The following SEMA6D variants were observed in gnomAD, a reference collection of about 807,000 sequenced individuals.
SEMA6D encodes semaphorin-6D.
Under a neutral mutation model 106.6 loss-of-function variants are expected in SEMA6D, and 35 were observed. That is an observed-to-expected ratio of 0.33 (90% CI 0.25 to 0.44). The LOEUF (loss-of-function observed/expected upper bound fraction) is 0.44, where lower values mean the gene tolerates loss of function less well. Ranked by LOEUF, SEMA6D falls within the 20% of genes least tolerant of loss-of-function variation. SEMA6D has a pLI of 1.00. For synonymous variants in SEMA6D, 499 were observed against 487.7 expected (o/e 1.02, Z -0.31); for missense variants, 1,185 against 1,345.9 (o/e 0.88, Z 1.87).
chr15:47,456,686 A>C (rs1315640849), intron 2 of SEMA6D, among the ~76,000 whole-genome samples: 2 of 152,042 alleles, frequency 1.3e-5, no homozygotes, highest in African/African-American at 4.8e-5. Flanking sequence ...TAGGCAGTGC[A>C]AATAGTAATA....
At chr15:47,508,330 G>C (rs1298815969) in intron 3 of SEMA6D, among the ~76,000 whole-genome samples, 2 of 152,158 alleles carry the variant, frequency 1.3e-5, no homozygotes, top group Non-Finnish European at 2.9e-5. Flanking sequence ...TCTTCCAGGG[G>C]GTTTTGGATC....
rs566901359 is a variant in SEMA6D, at chr15:47,361,299, C to T, written c.-238-51094C>T. Among the ~76,000 whole-genome samples the T allele has an allele frequency of 2.6e-5, 4 of 152,250 alleles. No homozygotes were observed. In the South Asian group the frequency reaches 8.3e-4, roughly 32 times the overall value. On this transcript the variant is annotated intron_variant, in intron 1 of 19. Coordinates refer to the SEMA6D transcript ENST00000558014. ...TTCATTCAGTCAAAATGGACATATCCCCTTGATAAGGGATACTACCCATAA... is the reference window on the plus strand; with the variant it reads ...TTCATTCAGTCAAAATGGACATATCTCCTTGATAAGGGATACTACCCATAA...
chr15:47,363,701 G>A (rs892953627), intron 1 of SEMA6D, among the ~76,000 whole-genome samples: 2 of 152,172 alleles, frequency 1.3e-5, no homozygotes, highest in African/African-American at 4.8e-5. Context: ...TCAGGAAAGT[G>A]AAGGTCATGG....
intron 3 of SEMA6D, among the ~76,000 whole-genome samples, chr15:47,536,425 A>G (rs958142451): frequency 3.9e-5 from 6 of 152,210 alleles, no homozygotes; most frequent in African/African-American, 1.2e-4. Context: ...TGGGGACACA[A>G]TGAAGGCTTG....
At chr15:47,507,682 A>G (rs1018822849) in intron 3 of SEMA6D, among the ~76,000 whole-genome samples, 1 of 152,246 alleles carries the variant, frequency 6.6e-6, no homozygotes, top group African/African-American at 2.4e-5. Flanking sequence ...TATGTGCACC[A>G]TATGTCATAC....
chr15:47,648,012 C>G (rs767032302), intron 4 of SEMA6D, among the ~76,000 whole-genome samples: 12 of 152,144 alleles, frequency 7.9e-5, no homozygotes, highest in Non-Finnish European at 1.5e-4. Context: ...AAAATGTAAA[C>G]TTACTTGAGG....
chr15:47,336,559 G>A (rs1037640993), intron 1 of SEMA6D, among the ~76,000 whole-genome samples: 1 of 152,282 alleles, frequency 6.6e-6, no homozygotes, highest in Admixed American at 6.5e-5. Context: ...CTACCCCTAT[G>A]ATCGAAGGAC....
Position 47,624,360 on chromosome 15 carries a change from A to C in SEMA6D, c.-55+23464A>C, listed in dbSNP as rs560504502. On this transcript the variant is annotated intron_variant, in intron 4 of 19. Transcript: ENST00000558014. The stretch of plus-strand genomic sequence containing the variant: ...TATTAGCCTAGGGGAATAAGATAAA[A>C]AGAGTTATTAATGGTGTTGACCTGA... 5.9e-5 allele frequency among the ~76,000 whole-genome samples: 9 copies of C among 152,316 alleles called. No homozygotes were observed. In the East Asian group the frequency reaches 1.7e-3, roughly 29 times the overall value.
intron 1 of SEMA6D, among the ~76,000 whole-genome samples, chr15:47,744,704 A>G (rs1935154597): frequency 6.6e-6 from 1 of 152,222 alleles, no homozygotes; most frequent in African/African-American, 2.4e-5. Context: ...TTTGTGGTTC[A>G]GCGTCACAGA....
intron 2 of SEMA6D, among the ~76,000 whole-genome samples, chr15:47,456,030 G>T (rs1191312221): frequency 6.6e-6 from 1 of 151,934 alleles, no homozygotes. Context: ...TGTGATTATT[G>T]TGGGCTTATT....
At chr15:47,334,663 A>G (rs1289308999) in intron 1 of SEMA6D, among the ~76,000 whole-genome samples, 4 of 152,206 alleles carry the variant, frequency 2.6e-5, no homozygotes, top group Admixed American at 2.0e-4. Flanking sequence ...GGGATTTGCT[A>G]GAAGGGCCCT....
chr15:47,499,449 G>A (rs1456627239), intron 3 of SEMA6D, among the ~76,000 whole-genome samples: 10 of 152,010 alleles, frequency 6.6e-5, no homozygotes. Flanking sequence ...ATTAATTATG[G>A]ATCTATTAAT....
chr15:47,755,346 T>C (rs1011906653), intron 1 of SEMA6D, among the ~76,000 whole-genome samples: 1 of 152,212 alleles, frequency 6.6e-6, no homozygotes, highest in Non-Finnish European at 1.5e-5. Flanking sequence ...AGCACAGTTA[T>C]TTTCAAAACA....
chr15:47,343,272 A>ATTATTATTAT (rs1016166275), intron 1 of SEMA6D, among the ~76,000 whole-genome samples: 1 of 150,434 alleles, frequency 6.6e-6, no homozygotes, highest in Non-Finnish European at 1.5e-5. Context: ...TATTATTATT[A>ATTATTATTAT]TACTTTAAGT....
At chr15:47,284,791 C>T (rs16959150) in intron 1 of SEMA6D, among the ~76,000 whole-genome samples, 1 of 152,106 alleles carries the variant, frequency 6.6e-6, no homozygotes, top group Non-Finnish European at 1.5e-5. Flanking sequence ...CTTTATCATT[C>T]TGTGCTTTAG....
In SEMA6D at chr15:47,774,086, G is replaced by T. The variant is rs907229982; in HGVS notation, c.*2301G>T. 3 of 152,544 alleles carry T rather than the reference G, an allele frequency of 2.0e-5. No homozygotes were observed. Among genetic ancestry groups the T allele is most frequent in the African/African-American group, 7.2e-5 (3 of 41,410 alleles). The allele number at this position is 152,544 out of a possible 1,614,324, so 9.4% of individuals were successfully genotyped here. The stretch of plus-strand genomic sequence containing the variant: ...GCATAAAAAGTAACCCTCAAGTGAA[G>T]TGTCTCTATACTGTTTTATAGAGTA... On this transcript the variant is annotated 3_prime_UTR_variant, in exon 19 of 19. Transcript: ENST00000536845.
chr15:47,551,673 CTGTGTGTG>C (rs3050565), intron 3 of SEMA6D, among the ~76,000 whole-genome samples: 5 of 141,252 alleles, frequency 3.5e-5, no homozygotes, highest in Non-Finnish European at 6.1e-5. Flanking sequence ...ATCTGGGACT[CTGTGTGTG>C]TGTGTGTGTG....
chr15:47,367,686 GCGCGCGCACACACA>G (rs1205319835), intron 1 of SEMA6D, among the ~76,000 whole-genome samples: 5 of 42,072 alleles, frequency 1.2e-4, no homozygotes, highest in Admixed American at 4.5e-4. Flanking sequence ...ACACGCGCGC[GCGCGCGCACACACA>G]CACACACACA....
At chr15:47,231,500 C>T (rs1014424434) in intron 1 of SEMA6D, among the ~76,000 whole-genome samples, 3 of 152,018 alleles carry the variant, frequency 2.0e-5, no homozygotes, top group African/African-American at 7.2e-5. Context: ...CACTTTTCAT[C>T]GCCATTACTC....
Sources: gnomAD v4.1 joint callset for allele counts (sites outside exome capture counted in the v4.1 genomes callset) on GRCh38, gnomAD v4.1.1 for gene constraint, MANE v1.5 for transcripts, NCBI Gene and HGNC (gene_info 2026-07-23, HGNC 2026-07-21) for gene names.